Variants in CDH23 observed in about 807,000 individuals in gnomAD.
CDH23 encodes the protein cadherin related 23.
A neutral mutation model predicts 317.1 loss-of-function variants in CDH23; 189 were observed. The ratio of observed to expected loss-of-function variants is 0.60; its 90% CI spans 0.53 to 0.67. The LOEUF (loss-of-function observed/expected upper bound fraction) is 0.67, where lower values mean the gene tolerates loss of function less well. Ranked by LOEUF, CDH23 falls within the 30% of genes least tolerant of loss-of-function variation. The probability of loss-of-function intolerance (pLI) is 0.00; values close to 1 mark genes in which losing one functional copy is unlikely to be tolerated. For synonymous variants in CDH23, 1,839 were observed against 1,876.8 expected (o/e 0.98, Z 0.52); for missense variants, 4,401 against 4,592.4 (o/e 0.96, Z 1.20).
rs373422805 is a variant in CDH23, at chr10:71,730,533, G to A, written c.3644G>A (p.Arg1215His). The A allele has an allele frequency of 2.0e-5, 33 of 1,613,950 alleles. No homozygotes were observed. The highest frequency in any genetic ancestry group is 8.9e-5 in the East Asian group (4 of 44,888). Reference protein sequence around the residue: ...APVFTQQQYSRLGLRETAGIG... With the variant: ...APVFTQQQYSHLGLRETAGIG... The stretch of plus-strand genomic sequence containing the variant: ...GTGTTCACACAGCAGCAGTACAGCC[G>A]TCTGGGGCTTCGAGAGACCGCAGGC... Residue 1215 changes from arginine to histidine, a missense_variant, in exon 31 of 70, where the codon CGT becomes CAT. Physicochemically the swap from Arg to His is conservative, Grantham distance 29 (BLOSUM62 0). This residue lies in a region of CDH23 where 3,068 missense variants were observed against 3,203.3 expected (regional missense o/e 0.96). Coordinates refer to ENST00000224721, the MANE Select transcript of CDH23 (RefSeq NM_022124.6).
rs5786043 is a variant in CDH23 at position 71,569,896 on chromosome 10, A to ATTT, written c.625-886_625-884dup. On this transcript the variant is annotated intron_variant, in intron 7 of 69. Transcript: ENST00000224721. ...CTTTCTTGCCAAGCATTAAAAAAAAATTTTTTTTTTGAGATGGGGGTCTCG... is the reference window on the plus strand; with the variant it reads ...CTTTCTTGCCAAGCATTAAAAAAAAATTTTTTTTTTTTTGAGATGGGGGTCTCG... Among the ~76,000 whole-genome samples, 37 of 150,684 alleles carry ATTT rather than the reference A, an allele frequency of 2.5e-4. No homozygotes were observed. In the South Asian group the frequency reaches 2.5e-3, roughly 10 times the overall value.
intron 9 of CDH23, among the ~76,000 whole-genome samples, chr10:71,585,582 G>A (rs1330810216): frequency 2.6e-5 from 4 of 152,162 alleles, no homozygotes; most frequent in South Asian, 2.1e-4. Context: ...ATACAAACAC[G>A]CTGGCCTGTT....
At chr10:71,642,121 T>A (rs1012025953) in intron 11 of CDH23, among the ~76,000 whole-genome samples, 8 of 151,290 alleles carry the variant, frequency 5.3e-5, no homozygotes, top group African/African-American at 1.9e-4. Context: ...AATAATACCT[T>A]CCTTCATTCC....
intron 16 of CDH23, among the ~76,000 whole-genome samples, chr10:71,678,712 T>C (rs371026362): frequency 1.3e-5 from 2 of 152,286 alleles, no homozygotes; most frequent in African/African-American, 4.8e-5. Context: ...AGGGACAACC[T>C]GGAAAGAAGC....
intron 9 of CDH23, among the ~76,000 whole-genome samples, chr10:71,590,909 C>T (rs1859451164): frequency 1.4e-5 from 2 of 142,610 alleles, no homozygotes; most frequent in South Asian, 4.4e-4. Context: ...AAAAAAAACA[C>T]CAGTCTCTTC....
In CDH23 at chr10:71,497,737, C is replaced by T. The variant is rs1853055778; in HGVS notation, c.146-12345C>T. 3.3e-5 allele frequency among the ~76,000 whole-genome samples: 5 copies of T among 152,306 alleles called. No individual in the cohort carries two copies. In the South Asian group the frequency reaches 1.0e-3, roughly 32 times the overall value. ...TAATGTGGTGTGGTGGAAAGAACAG[C>T]GTATGGGGAGTCCAGGGACCAATTT... is the stretch of plus-strand genomic sequence containing the variant. On this transcript the variant is annotated intron_variant, in intron 3 of 69. Coordinates refer to ENST00000224721, the MANE Select transcript of CDH23 (RefSeq NM_022124.6).
chr10:71,787,034 A>G (rs1227700462), intron 44 of CDH23, among the ~76,000 whole-genome samples: 1 of 151,964 alleles, frequency 6.6e-6, no homozygotes, highest in Non-Finnish European at 1.5e-5. Flanking sequence ...GGGGTACTGG[A>G]GGTTCTGAGG....
intron 53 of CDH23, 38 bp downstream of exon 53, chr10:71,800,793 T>G: frequency 6.2e-7 from 1 of 1,607,002 alleles, no homozygotes; most frequent in Non-Finnish European, 8.5e-7. Flanking sequence ...TGACAGGGAC[T>G]GGGGTTGTGG....
rs754817937 is a variant in CDH23, at chr10:71,811,960, C to A, written c.9325C>A (p.Arg3109Ser). ...KAIVAGSAGN[R>S]GFIDIMDMPN... The stretch of plus-strand genomic sequence containing the variant: ...CCCAACCCTTCTCCCTGCAGGGAAT[C>A]GTGGCTTCATCGACATCATGGACAT... The change falls in exon 66 of 70, where the codon CGT becomes AGT. Residue 3109 changes from arginine to serine, a missense_variant. Physicochemically the swap from Arg to Ser is moderately radical, Grantham distance 110 (BLOSUM62 -1). Transcript: ENST00000224721. 6.3e-7 allele frequency: 1 copy of A among 1,587,178 alleles called. No individual in the cohort carries two copies. Among genetic ancestry groups the A allele is most frequent in the Non-Finnish European group, 8.6e-7 (1 of 1,164,482 alleles).
intron 9 of CDH23, among the ~76,000 whole-genome samples, chr10:71,609,138 G>A (rs1165529511): frequency 1.3e-5 from 2 of 151,980 alleles, no homozygotes; most frequent in South Asian, 2.1e-4. Context: ...GGCAGGGGGC[G>A]TGAAGGGGGG....
chr10:71,531,330 C>T (rs543275832), intron 6 of CDH23, among the ~76,000 whole-genome samples: 4 of 152,352 alleles, frequency 2.6e-5, no homozygotes, highest in East Asian at 1.9e-4. Context: ...TGCAAACAAT[C>T]GGTGTCCCCT....
intron 38 of CDH23, chr10:71,773,252 C>A: frequency 7.6e-7 from 1 of 1,309,838 alleles, no homozygotes; most frequent in Admixed American, 2.2e-5. Flanking sequence ...GGTGCACGGT[C>A]ACACAGGCTG....
intron 9 of CDH23, among the ~76,000 whole-genome samples, chr10:71,593,716 G>A (rs1158660934): frequency 5.3e-5 from 8 of 152,194 alleles, no homozygotes; most frequent in Non-Finnish European, 1.2e-4. Flanking sequence ...TAAAAATCAG[G>A]GGAACGCAAA....
chr10:71,795,922 C>A, intron 48 of CDH23: 1 of 986,378 alleles, frequency 1.0e-6, no homozygotes, highest in Non-Finnish European at 1.2e-6. Context: ...CACCACACCC[C>A]CACCACCCTT....
chr10:71,448,339 C>T (rs755631752), intron 3 of CDH23, among the ~76,000 whole-genome samples: 6 of 152,372 alleles, frequency 3.9e-5, no homozygotes, highest in East Asian at 1.9e-4. Context: ...CAGCATCGAT[C>T]GGCCTCCGGA....
intron 1 of CDH23, among the ~76,000 whole-genome samples, chr10:71,416,745 G>A (rs563883145): frequency 5.9e-5 from 9 of 152,046 alleles, no homozygotes; most frequent in African/African-American, 1.9e-4. Flanking sequence ...ATAGGTCACT[G>A]CAACCTTGAA....
At chr10:71,501,693 T>G (rs1853342702) in intron 3 of CDH23, among the ~76,000 whole-genome samples, 5 of 152,172 alleles carry the variant, frequency 3.3e-5, no homozygotes, top group Admixed American at 3.3e-4. Flanking sequence ...TCCCCAGGAA[T>G]CAAGGCACTT....
chr10:71,601,525 C>T (rs544645199), intron 9 of CDH23, among the ~76,000 whole-genome samples: 1 of 152,330 alleles, frequency 6.6e-6, no homozygotes, highest in South Asian at 2.1e-4. Context: ...GAACCCTGGT[C>T]CTAGCCACTG....
At chr10:71,584,614 A>G (rs1291192989) in intron 9 of CDH23, among the ~76,000 whole-genome samples, 1 of 147,780 alleles carries the variant, frequency 6.8e-6, no homozygotes, top group Non-Finnish European at 1.5e-5. Flanking sequence ...GACTTGCACA[A>G]CCTCACACCC....
Sources: allele counts gnomAD v4.1 joint callset (sites outside exome capture counted in the v4.1 genomes callset), GRCh38; gene constraint gnomAD v4.1.1; regional missense constraint gnomAD v4.1.1; transcripts MANE v1.5; gene names NCBI Gene and HGNC (gene_info 2026-07-23, HGNC 2026-07-21).